Variants in COMMD10 observed in about 807,000 individuals in gnomAD.
COMMD10 encodes COMM domain-containing protein 10.
In COMMD10, 33 loss-of-function variants were observed where a neutral mutation model predicts 28.9. The observed-to-expected ratio is 1.14, with a 90% CI of 0.87 to 1.53. The LOEUF (loss-of-function observed/expected upper bound fraction) is 1.53, where lower values mean the gene tolerates loss of function less well. COMMD10 is among the 40% of genes most tolerant of loss of function. The pLI, the probability that COMMD10 is intolerant of heterozygous loss-of-function variation, is 0.00. For synonymous variants in COMMD10, 110 were observed against 81.7 expected (o/e 1.35, Z -1.87); for missense variants, 310 against 233.4 (o/e 1.33, Z -2.14).
intron 5 of COMMD10, among the ~76,000 whole-genome samples, chr5:116,249,773 A>C (rs996305647): frequency 6.6e-6 from 1 of 151,940 alleles, no homozygotes; most frequent in African/African-American, 2.4e-5. Flanking sequence ...AGTTGCCTTT[A>C]TATGGCTTAT....
intron 5 of COMMD10, among the ~76,000 whole-genome samples, chr5:116,249,796 A>G (rs1580582214): frequency 6.6e-6 from 1 of 151,832 alleles, no homozygotes; most frequent in East Asian, 1.9e-4. Context: ...TTCTTGTTAT[A>G]TTTGTGTTTT....
At chr5:116,164,558 G>A (rs1753030136) in intron 5 of COMMD10, among the ~76,000 whole-genome samples, 1 of 152,158 alleles carries the variant, frequency 6.6e-6, no homozygotes, top group South Asian at 2.1e-4. Flanking sequence ...AGCAAGAACA[G>A]TAACTGTCTA....
At position 116,123,887 on chromosome 5, in the gene COMMD10, T is replaced by C. The variant is rs1428780281; in HGVS notation, c.400-10181T>C. Among the ~76,000 whole-genome samples, 4 of 151,920 alleles carry C rather than the reference T, an allele frequency of 2.6e-5. 1 individual carries two copies. The East Asian group carries it at 5.9e-4, about 22-fold the overall frequency. ...TGTTTATAGTATTCTCTGATGGTAG[T>C]TTGCATTTCTGTGGGATTGGTGGTG... On this transcript the variant is annotated intron_variant, in intron 4 of 6. Coordinates refer to ENST00000274458, the MANE Select transcript of COMMD10 (RefSeq NM_016144.4).
At position 116,213,798 on chromosome 5, in the gene COMMD10, T is replaced by C. The variant is rs184633152; in HGVS notation, c.511-77719T>C. Among the ~76,000 whole-genome samples, 1,150 of 152,248 alleles carry C rather than the reference T, an allele frequency of 7.6e-3. 14 individuals carry two copies. Among genetic ancestry groups the C allele is most frequent in the Middle Eastern group, 0.017 (5 of 294 alleles). On this transcript the variant is annotated intron_variant, in intron 5 of 6. Transcript: ENST00000274458. ...TTTCTTCTTTATGTGATTCGTATTT[T>C]AGTACAAATACCATGTTAAGGTGCT...
At chr5:116,192,887 A>G (rs998342761) in intron 5 of COMMD10, among the ~76,000 whole-genome samples, 10 of 152,230 alleles carry the variant, frequency 6.6e-5, no homozygotes, top group Non-Finnish European at 5.9e-5. Context: ...TTAAGACGAA[A>G]GAATCTTAAG....
At chr5:116,195,740 G>GA (rs909702904) in intron 5 of COMMD10, among the ~76,000 whole-genome samples, 1 of 151,670 alleles carries the variant, frequency 6.6e-6, no homozygotes, top group African/African-American at 2.4e-5. Flanking sequence ...AAATCAGTAA[G>GA]AAAAAAACAA....
chr5:116,106,547 TTCTG>T (rs1750845123), intron 4 of COMMD10, among the ~76,000 whole-genome samples: 4 of 152,282 alleles, frequency 2.6e-5, no homozygotes, highest in Admixed American at 6.5e-5. Flanking sequence ...CTTGTTGATT[TTCTG>T]TCTTTTTGAT....
chr5:116,152,111 T>C (rs974839920), intron 5 of COMMD10, among the ~76,000 whole-genome samples: 8 of 152,192 alleles, frequency 5.3e-5, no homozygotes, highest in Non-Finnish European at 8.8e-5. Flanking sequence ...CATTTTGTTA[T>C]GTACCCAGTA....
chr5:116,176,926 G>T (rs1359666488), intron 5 of COMMD10, among the ~76,000 whole-genome samples: 1 of 152,148 alleles, frequency 6.6e-6, no homozygotes, highest in Non-Finnish European at 1.5e-5. Context: ...TTAAGGAAAA[G>T]AACAACTTGG....
chr5:116,088,411 A>G (rs1750184993), intron 2 of COMMD10, among the ~76,000 whole-genome samples: 1 of 152,082 alleles, frequency 6.6e-6, no homozygotes, highest in Non-Finnish European at 1.5e-5. Flanking sequence ...CTTGCTTTCT[A>G]CTGCTTCATA....
At chr5:116,275,206 C>T (rs1561404500) in intron 5 of COMMD10, among the ~76,000 whole-genome samples, 1 of 151,890 alleles carries the variant, frequency 6.6e-6, no homozygotes, top group East Asian at 1.9e-4. Context: ...GATGTACCTC[C>T]AAAATAGCTC....
chr5:116,272,486 C>G (rs913040175), intron 5 of COMMD10, among the ~76,000 whole-genome samples: 3 of 151,816 alleles, frequency 2.0e-5, no homozygotes, highest in African/African-American at 7.3e-5. Context: ...TGTTATCATT[C>G]TTTGGCCTCC....
At chr5:116,131,385 A>ATGTG (rs920229109) in intron 4 of COMMD10, among the ~76,000 whole-genome samples, 1 of 149,784 alleles carries the variant, frequency 6.7e-6, no homozygotes, top group African/African-American at 2.5e-5. Context: ...TGGGAGGGGT[A>ATGTG]TGTGTGTGTG....
chr5:116,121,228 G>A (rs7703164), intron 4 of COMMD10, among the ~76,000 whole-genome samples: 79,438 of 151,750 alleles, frequency 0.52, 22,742 homozygotes, highest in Non-Finnish European at 0.65. Flanking sequence ...GAGAACATGC[G>A]GTGTTTGGTT....
At chr5:116,273,776 A>G (rs967447316) in intron 5 of COMMD10, among the ~76,000 whole-genome samples, 1 of 151,730 alleles carries the variant, frequency 6.6e-6, no homozygotes, top group Non-Finnish European at 1.5e-5. Flanking sequence ...TGAAACTGAC[A>G]CTCAAATTTT....
At chr5:116,202,020 A>C in intron 5 of COMMD10, among the ~76,000 whole-genome samples, 1 of 148,252 alleles carries the variant, frequency 6.7e-6, no homozygotes, top group East Asian at 2.0e-4. Flanking sequence ...TATATCTCCT[A>C]ATGCTATCTC....
chr5:116,163,306 C>T (rs1752979280), intron 5 of COMMD10, among the ~76,000 whole-genome samples: 1 of 151,532 alleles, frequency 6.6e-6, no homozygotes, highest in African/African-American at 2.4e-5. Context: ...AAACCAGGGC[C>T]AGGCATGGTA....
intron 4 of COMMD10, among the ~76,000 whole-genome samples, chr5:116,112,711 T>A (rs1020173757): frequency 2.6e-5 from 4 of 152,194 alleles, no homozygotes; most frequent in Admixed American, 6.5e-5. Flanking sequence ...TGATTTTTTT[T>A]ATTCATTTAG....
intron 6 of COMMD10, 31 bp from the exon 7 acceptor site, chr5:116,292,420 C>T (rs6866938): frequency 0.11 from 159,422 of 1,393,600 alleles, 10,073 homozygotes; most frequent in Admixed American, 0.18. Flanking sequence ...CCTTCACTAA[C>T]GTCTTTTTTT....
Sources: gnomAD v4.1 joint callset for allele counts (sites outside exome capture counted in the v4.1 genomes callset) on GRCh38, gnomAD v4.1.1 for gene constraint, MANE v1.5 for transcripts, NCBI Gene and HGNC (gene_info 2026-07-23, HGNC 2026-07-21) for gene names.